Variants in ATP6V0A1 observed in about 807,000 individuals in gnomAD.
ATP6V0A1 encodes the protein ATPase H+ transporting V0 subunit a1.
Under a neutral mutation model 105.4 loss-of-function variants are expected in ATP6V0A1, and 43 were observed. The observed-to-expected ratio is 0.41, with a 90% confidence interval of 0.32 to 0.53. The LOEUF (loss-of-function observed/expected upper bound fraction) is 0.53. ATP6V0A1 is among the 20% of genes least tolerant of loss of function. The pLI, the probability that ATP6V0A1 is intolerant of heterozygous loss-of-function variation, is 0.30. For synonymous variants in ATP6V0A1, 362 were observed against 372.8 expected, an observed-to-expected ratio of 0.97 and a Z score of 0.33; for missense variants, 676 against 1,051.1, an observed-to-expected ratio of 0.64 and a Z score of 4.93.
At chr17:42,482,262 G>A (rs1030497123) in intron 8 of ATP6V0A1, among the ~76,000 whole-genome samples, 3 of 151,840 alleles carry the variant, frequency 2.0e-5, no homozygotes, top group Middle Eastern at 3.2e-3. Flanking sequence ...TTCTCCCACC[G>A]CAGCCCCATG....
rs765678359 is a variant in ATP6V0A1, at chr17:42,514,284, C to A, written c.2249-5C>A. ...GCACTGGATTTTGTGTCTCCCATTCCCCAGAGCTGTCTGAGGTGCTTTGGA... is the reference window on the plus strand; with the variant it reads ...GCACTGGATTTTGTGTCTCCCATTCACCAGAGCTGTCTGAGGTGCTTTGGA... On this transcript the variant is annotated splice_polypyrimidine_tract_variant and splice_region_variant and intron_variant, in intron 20 of 21. Transcript: ENST00000343619. 1.9e-6 allele frequency: 3 copies of A among 1,579,652 alleles called. No homozygotes were observed. In the South Asian group the frequency reaches 3.5e-5, roughly 19 times the overall value.
At position 42,499,002 on chromosome 17, in the gene ATP6V0A1, C is replaced by T. The variant is rs1288067447; in HGVS notation, c.1639C>T (p.His547Tyr). The change falls in exon 15 of 22, where the codon CAT becomes TAT. Residue 547 changes from histidine (H) to tyrosine (Y), a missense_variant. His to Tyr is a moderately conservative substitution (Grantham distance 83). Coordinates refer to ENST00000343619, the MANE Select transcript of ATP6V0A1 (RefSeq NM_001130021.3). ...GATGTCTGTTATCCTTGGTATCATC[C>T]ATATGCTGTTTGGAGTCAGCCTGAG... ...MKMSVILGII[H>Y]MLFGVSLSLF... 6.2e-7 allele frequency: 1 copy of T among 1,613,410 alleles called. No individual in the cohort carries two copies. Among genetic ancestry groups the T allele is most frequent in the East Asian group, 2.2e-5 (1 of 44,866 alleles).
At position 42,462,998 on chromosome 17, in the gene ATP6V0A1, CTTTTTTTTTTTTT is replaced by C. The variant is rs35135162; in HGVS notation, c.117+1999_117+2011del. ...CCAGCACCCCAATCAGGATATGGAA[CTTTTTTTTTTTTT>C]TTTTTTTTTTTGGAGACAGAATCTT... On this transcript the variant is annotated intron_variant, in intron 2 of 21. Coordinates refer to ENST00000343619, the MANE Select transcript of ATP6V0A1 (RefSeq NM_001130021.3). Among the ~76,000 whole-genome samples the C allele has an allele frequency of 1.5e-4, 10 of 66,190 alleles. No homozygotes were observed. The Admixed American group carries it at 2.0e-3, about 13-fold the overall frequency. 43.4% of individuals were successfully genotyped at this position (66,190 alleles called of 152,430 possible). A position where few individuals can be genotyped will look rare whatever the true frequency, so the allele number is the denominator to read the frequency against.
chr17:42,508,732 G>A, intron 19 of ATP6V0A1, 143 bp downstream of exon 19: 3 of 1,141,468 alleles, frequency 2.6e-6, no homozygotes, highest in Non-Finnish European at 2.6e-6. Flanking sequence ...TTTCAAACCA[G>A]TTCGTGAGCC....
In ATP6V0A1 at chr17:42,480,744, T is replaced by C; in HGVS notation, c.711T>C (p.Cys237=). The change falls in exon 8 of 22, where the codon TGT becomes TGC. Residue 237 remains cysteine (C), a synonymous_variant. Transcript: ENST00000343619. ...DQLKNRVKKI[C]EGFRASLYPC... is the part of the protein sequence containing the mutation. ...TGAAAAACAGAGTCAAGAAAATCTG[T>C]GAAGGGTAAGAGAGGCATGCCTCTA... 1.2e-6 allele frequency: 2 copies of C among 1,613,638 alleles called. No individual in the cohort carries two copies. Among genetic ancestry groups the C allele is most frequent in the Non-Finnish European group, 1.7e-6 (2 of 1,179,756 alleles).
intron 5 of ATP6V0A1, among the ~76,000 whole-genome samples, chr17:42,475,690 A>G (rs2088640067): frequency 6.6e-6 from 1 of 152,230 alleles, no homozygotes; most frequent in Non-Finnish European, 1.5e-5. Context: ...AAAGGCCTTC[A>G]GTTAGTGAGT....
intron 9 of ATP6V0A1, among the ~76,000 whole-genome samples, chr17:42,484,030 GT>G (rs1008709925): frequency 2.0e-5 from 3 of 151,842 alleles, no homozygotes; most frequent in African/African-American, 4.8e-5. Flanking sequence ...GTCTGAGATA[GT>G]TTTTTTTGTT....
rs2088928686 is a variant in ATP6V0A1, at chr17:42,477,657, C to T, written c.424-3C>T. The T allele has an allele frequency of 1.2e-6, 2 of 1,613,604 alleles. No individual in the cohort carries two copies. The highest frequency in any genetic ancestry group is 1.7e-6 in the Non-Finnish European group (2 of 1,179,780). On this transcript the variant is annotated splice_region_variant and splice_polypyrimidine_tract_variant and intron_variant, in intron 5 of 21. Transcript: ENST00000343619. ...AATTCAGGCTGAATTGCATCATCAG[C>T]AGATGGCGGATCCAGACTTGTTGGA...
chr17:42,459,812 C>T (rs1357247677), intron 1 of ATP6V0A1, among the ~76,000 whole-genome samples: 1 of 152,166 alleles, frequency 6.6e-6, no homozygotes, highest in African/African-American at 2.4e-5. Context: ...AAGGTTTGTT[C>T]GTTCAGATTT....
At chr17:42,504,639 G>A (rs1274988997) in intron 17 of ATP6V0A1, among the ~76,000 whole-genome samples, 1 of 152,128 alleles carries the variant, frequency 6.6e-6, no homozygotes, top group Non-Finnish European at 1.5e-5. Flanking sequence ...ACAGTCACCT[G>A]GTAGACTTTG....
At chr17:42,465,698 T>A (rs1598680580) in intron 2 of ATP6V0A1, among the ~76,000 whole-genome samples, 1 of 151,858 alleles carries the variant, frequency 6.6e-6, no homozygotes, top group East Asian at 2.0e-4. Flanking sequence ...ACGTGGTGGC[T>A]CATGCCTGCA....
At position 42,500,766 on chromosome 17, in the gene ATP6V0A1, C is replaced by A; in HGVS notation, c.1739C>A (p.Thr580Asn). The A allele has an allele frequency of 1.2e-6, 2 of 1,613,974 alleles. No homozygotes were observed. Among genetic ancestry groups the A allele is most frequent in the East Asian group, 4.5e-5 (2 of 44,876 alleles). Residue 580 changes from threonine (T) to asparagine (N), a missense_variant, in exon 16 of 22, where the codon ACC (threonine) becomes AAC (asparagine). Thr to Asn is a moderately conservative substitution (Grantham distance 65). Around this residue, in one of 3 missense-constraint regions of ATP6V0A1, gnomAD observed 435 missense variants for 642.2 expected, o/e 0.68. Coordinates refer to ENST00000343619, the MANE Select transcript of ATP6V0A1 (RefSeq NM_001130021.3). Reference sequence around the variant, plus strand: ...TTTATTCCTGAAATAATCTTCATGACCTCTTTGTTTGGCTATTTGGTTATC... The same window carrying A: ...TTTATTCCTGAAATAATCTTCATGAACTCTTTGTTTGGCTATTTGGTTATC... ...FGFIPEIIFMTSLFGYLVILI... is the reference protein window; with the variant it reads ...FGFIPEIIFMNSLFGYLVILI...
In ATP6V0A1 at chr17:42,469,923, A is replaced by G. The variant is rs189551037; in HGVS notation, c.295-167A>G. 6.4e-4 allele frequency among the ~76,000 whole-genome samples: 97 copies of G among 152,288 alleles called. No individual in the cohort carries two copies. In the Middle Eastern group the frequency reaches 0.01, roughly 16 times the overall value. On this transcript the variant is annotated intron_variant, in intron 4 of 21. Transcript: ENST00000343619. ...CAGGAGAGATTATTTTAAGCAAAAAAATTTCCATAAAGAAAATTGCTCTAG... is the reference window on the plus strand; with the variant it reads ...CAGGAGAGATTATTTTAAGCAAAAAGATTTCCATAAAGAAAATTGCTCTAG...
At chr17:42,494,944 G>A in intron 12 of ATP6V0A1, 90 bp from the exon 13 acceptor site, 2 of 1,386,592 alleles carry the variant, frequency 1.4e-6, no homozygotes, top group East Asian at 2.3e-5. Flanking sequence ...AAGTAGTGCT[G>A]GAGAAAGGGG....
At position 42,478,459 on chromosome 17, in the gene ATP6V0A1, A is replaced by T. The variant is rs1375523985; in HGVS notation, c.507-4A>T. 6.3e-7 allele frequency: 1 copy of T among 1,595,136 alleles called. No homozygotes were observed. Among genetic ancestry groups the T allele is most frequent in the Middle Eastern group, 1.7e-4 (1 of 5,970 alleles). ...AGTTTCCAATCTGCCTCTTCTCCCC[A>T]CAGCTTCGTGGCTGGTGTCATTAAC... On this transcript the variant is annotated splice_polypyrimidine_tract_variant and splice_region_variant and intron_variant, in intron 6 of 21. Transcript: ENST00000343619.
chr17:42,520,842 C>T (rs533565118), intron 21 of ATP6V0A1, 185 bp from the exon 22 acceptor site: 35 of 608,688 alleles, frequency 5.8e-5, no homozygotes, highest in African/African-American at 2.4e-4. Flanking sequence ...TTCCTCCGTG[C>T]GTCGAACTCT....
At chr17:42,501,150 C>T (rs367908603) in intron 16 of ATP6V0A1, 47 bp from the exon 17 acceptor site, 27 of 1,485,846 alleles carry the variant, frequency 1.8e-5, no homozygotes, top group Non-Finnish European at 2.5e-5. Flanking sequence ...CGTATGTGAT[C>T]GGTAGACTTT....
chr17:42,468,127 C>G lies in ATP6V0A1; in HGVS notation c.294+20C>G, dbSNP rs750701378. The G allele has an allele frequency of 6.7e-7, 1 of 1,499,808 alleles. No individual in the cohort carries two copies. The highest frequency in any genetic ancestry group is 9.0e-7 in the Non-Finnish European group (1 of 1,108,286). 92.9% of individuals were successfully genotyped at this position (1,499,808 alleles called of 1,614,324 possible). On this transcript the variant is annotated intron_variant, in intron 4 of 21. Transcript: ENST00000343619. The stretch of plus-strand genomic sequence containing the variant: ...TTAGAGGTAAACACTTCTGGGAAAA[C>G]CAGAAAAGTTTCTTTCTACTTGAAC...
chr17:42,480,645 G>A, intron 7 of ATP6V0A1, 22 bp from the exon 8 acceptor site: 1 of 1,594,880 alleles, frequency 6.3e-7, no homozygotes, highest in Non-Finnish European at 8.5e-7. Flanking sequence ...CTGAACTCTT[G>A]TTTTTTTATT....
Sources: gnomAD v4.1 joint callset for allele counts (sites outside exome capture counted in the v4.1 genomes callset) on GRCh38, gnomAD v4.1.1 for gene constraint, gnomAD v4.1.1 regional missense constraint, MANE v1.5 for transcripts, NCBI Gene and HGNC (gene_info 2026-07-23, HGNC 2026-07-21) for gene names.